The following KCNQ4 variants were observed in gnomAD, a reference collection of about 807,000 sequenced individuals.
KCNQ4 encodes potassium voltage-gated channel subfamily Q member 4, also known as potassium voltage-gated channel subfamily KQT member 4.
Under a neutral mutation model 72.6 loss-of-function variants are expected in KCNQ4, and 31 were observed. The observed-to-expected ratio is 0.43, with a 90% CI of 0.32 to 0.58. KCNQ4 has a LOEUF of 0.58. Among genes scored for constraint, KCNQ4 ranks in the 20% least tolerant of loss-of-function variants. The pLI, the probability that KCNQ4 is intolerant of heterozygous loss-of-function variation, is 0.08. For synonymous variants in KCNQ4, 405 were observed against 403.7 expected, an observed-to-expected ratio of 1.00 and a Z score of -0.04; for missense variants, 869 against 962.6, an observed-to-expected ratio of 0.90 and a Z score of 1.29.
At chr1:40,821,098 C>G (rs1009835951) in intron 7 of KCNQ4, among the ~76,000 whole-genome samples, 1 of 152,206 alleles carries the variant, frequency 6.6e-6, no homozygotes, top group East Asian at 1.9e-4. Flanking sequence ...ACCAGCTCAG[C>G]CTTTTCTTCT....
chr1:40,831,817 A>G (rs1648658986), intron 10 of KCNQ4, among the ~76,000 whole-genome samples: 1 of 152,204 alleles, frequency 6.6e-6, no homozygotes, highest in South Asian at 2.1e-4. Flanking sequence ...CTGACTATGC[A>G]CTGCCCAGCA....
chr1:40,818,656 C>T lies in KCNQ4; in HGVS notation c.684C>T (p.Gly228=), dbSNP rs769064816. 49 of 1,604,964 alleles carry T rather than the reference C, an allele frequency of 3.1e-5. No individual in the cohort carries two copies. Among genetic ancestry groups the T allele is most frequent in the Non-Finnish European group, 3.5e-5 (41 of 1,178,846 alleles). The part of the protein sequence containing the change: ...DRRGGTWKLL[G]SVVYAHSKEL... ...GCGGCGGCACCTGGAAGCTGCTGGG[C>T]TCAGTGGTCTACGCGCATAGCAAGG... The change falls in exon 4 of 14, where the codon GGC becomes GGT. Residue 228 remains glycine (G), a synonymous_variant. Coordinates refer to ENST00000347132, the MANE Select transcript of KCNQ4 (RefSeq NM_004700.4).
At chr1:40,807,491 G>A (rs1053686180) in intron 1 of KCNQ4, among the ~76,000 whole-genome samples, 1 of 152,128 alleles carries the variant, frequency 6.6e-6, no homozygotes, top group Non-Finnish European at 1.5e-5. Context: ...ATTTAGAATC[G>A]CTGGATCAGG....
intron 1 of KCNQ4, among the ~76,000 whole-genome samples, chr1:40,785,825 C>T (rs1304373696): frequency 6.6e-6 from 1 of 151,916 alleles, no homozygotes; most frequent in Non-Finnish European, 1.5e-5. Context: ...GAGAAAGATG[C>T]GGCACAGGGA....
intron 10 of KCNQ4, among the ~76,000 whole-genome samples, chr1:40,832,657 AC>A (rs1331271165): frequency 1.3e-5 from 2 of 152,060 alleles, no homozygotes; most frequent in Non-Finnish European, 2.9e-5. Flanking sequence ...GTGCCATCAA[AC>A]CCCTTATCTC....
At chr1:40,822,425 G>A in intron 8 of KCNQ4, 23 bp downstream of exon 8, 1 of 1,436,342 alleles carries the variant, frequency 7.0e-7, no homozygotes, top group Non-Finnish European at 9.7e-7. Flanking sequence ...GGGGGTGGGG[G>A]TGGGTGGGGG....
At position 40,788,921 on chromosome 1, in the gene KCNQ4, A is replaced by G. The variant is rs965133599; in HGVS notation, c.314+4514A>G. 2.0e-5 allele frequency among the ~76,000 whole-genome samples: 3 copies of G among 152,186 alleles called. No homozygotes were observed. Among genetic ancestry groups the G allele is most frequent in the Non-Finnish European group, 4.4e-5 (3 of 68,030 alleles). On this transcript the variant is annotated intron_variant, in intron 1 of 13. Coordinates refer to ENST00000347132, the MANE Select transcript of KCNQ4 (RefSeq NM_004700.4). The surrounding 1 kb of genome is among the most constrained non-coding windows in gnomAD (Gnocchi z 4.5). ...ACAAACACACACACAGCATCCATCCAACAAAAAGAGTTCTAGTTTACAGCT... is the reference window on the plus strand; with the variant it reads ...ACAAACACACACACAGCATCCATCCGACAAAAAGAGTTCTAGTTTACAGCT...
Position 40,818,531 on chromosome 1 carries a change from G to A in KCNQ4, c.559G>A (p.Ala187Thr). Residue 187 changes from alanine to threonine, a missense_variant, in exon 4 of 14, where the codon GCC becomes ACC. Coordinates refer to ENST00000347132, the MANE Select transcript of KCNQ4 (RefSeq NM_004700.4). Reference protein sequence around the residue: ...IDFIVFVASVAVIAAGTQGNI... With the variant: ...IDFIVFVASVTVIAAGTQGNI... ...CTTCATCGTGTTCGTGGCCTCGGTG[G>A]CCGTCATCGCCGCGGGTACCCAGGG... 6.2e-7 allele frequency: 1 copy of A among 1,602,354 alleles called. No homozygotes were observed. Among genetic ancestry groups the A allele is most frequent in the South Asian group, 1.1e-5 (1 of 91,070 alleles).
intron 9 of KCNQ4, 88 bp from the exon 10 acceptor site, chr1:40,830,996 C>T: frequency 1.7e-6 from 2 of 1,163,148 alleles, no homozygotes; most frequent in Non-Finnish European, 2.5e-6. Context: ...AATAGCCACC[C>T]CCAAGTCCTA....
At position 40,837,765 on chromosome 1, in the gene KCNQ4, A is replaced by C. The variant is rs1570857057; in HGVS notation, c.1846A>C (p.Met616Leu). Residue 616 changes from methionine to leucine, a missense_variant, in exon 13 of 14, where the codon ATG becomes CTG. Coordinates refer to ENST00000347132, the MANE Select transcript of KCNQ4 (RefSeq NM_004700.4). Reference sequence around the variant, plus strand: ...GGAGGTGGTGGATGAAATCAGCATGATGGGACGCGTGGTCAAGGTGGAGAA... The same window carrying C: ...GGAGGTGGTGGATGAAATCAGCATGCTGGGACGCGTGGTCAAGGTGGAGAA... Reference protein sequence around the residue: ...DAEVVDEISMMGRVVKVEKQV... With the variant: ...DAEVVDEISMLGRVVKVEKQV... 1.9e-6 allele frequency: 3 copies of C among 1,611,300 alleles called. No homozygotes were observed. In the East Asian group the frequency reaches 6.7e-5, roughly 36 times the overall value.
chr1:40,799,432 G>GCC (rs149663653), intron 1 of KCNQ4, among the ~76,000 whole-genome samples: 2,761 of 151,040 alleles, frequency 0.018, 89 homozygotes, highest in African/African-American at 0.062. Flanking sequence ...TGTGGGCCAT[G>GCC]CCCCCCCCCT....
intron 9 of KCNQ4, 80 bp downstream of exon 9, chr1:40,824,338 C>G: frequency 1.4e-6 from 2 of 1,473,122 alleles, no homozygotes; most frequent in Non-Finnish European, 9.2e-7. Flanking sequence ...TCTCTCAGAC[C>G]TGCCTTCAGC....
chr1:40,792,271 C>T (rs1386224021), intron 1 of KCNQ4, among the ~76,000 whole-genome samples: 2 of 152,164 alleles, frequency 1.3e-5, no homozygotes, highest in African/African-American at 2.4e-5. Context: ...CAGGCGCCTT[C>T]GCTACTGCCC....
chr1:40,798,713 T>G (rs181191791), intron 1 of KCNQ4, among the ~76,000 whole-genome samples: 4 of 152,324 alleles, frequency 2.6e-5, no homozygotes, highest in African/African-American at 9.6e-5. Flanking sequence ...AGACCCATCG[T>G]CAGCTGGGCA....
Position 40,837,704 on chromosome 1 carries a change from G to C in KCNQ4, c.1785G>C (p.Lys595Asn). The C allele has an allele frequency of 6.2e-7, 1 of 1,613,522 alleles. No homozygotes were observed. ...TGGGTCGGGGGCCCGGGGACAGGAA[G>C]GCCCGGGAGAAGGGCGACAAGGGGC... ...QIVGRGPGDR[K>N]AREKGDKGPS... Residue 595 changes from lysine to asparagine, a missense_variant, in exon 13 of 14, where the codon AAG becomes AAC. By Grantham distance (94) the Lys-to-Asn change is moderately conservative. This residue lies in a region of KCNQ4 where 480 missense variants were observed against 501.9 expected (regional missense o/e 0.96). Transcript: ENST00000347132.
intron 9 of KCNQ4, among the ~76,000 whole-genome samples, chr1:40,830,095 A>G (rs1648591899): frequency 6.6e-6 from 1 of 152,140 alleles, no homozygotes; most frequent in African/African-American, 2.4e-5. Context: ...GACTGTGTAA[A>G]TGCTGTTGAA....
intron 7 of KCNQ4, 83 bp downstream of exon 7, chr1:40,820,343 C>A: frequency 1.7e-6 from 2 of 1,173,188 alleles, no homozygotes; most frequent in Non-Finnish European, 2.5e-6. Context: ...GACCCATGTC[C>A]CCAGCCCAAC....
rs1423344670 is a variant in KCNQ4 at position 40,802,471 on chromosome 1, T to C, written c.315-14794T>C. 2.6e-5 allele frequency among the ~76,000 whole-genome samples: 4 copies of C among 152,032 alleles called. No individual in the cohort carries two copies. In the East Asian group the frequency reaches 7.8e-4, roughly 30 times the overall value. On this transcript the variant is annotated intron_variant, in intron 1 of 13. Transcript: ENST00000347132. ...CCCGGCCCCTCCCGCTCTCGGGGCC[T>C]GGCATTGGCAAAGCCCCGCCCCTCC... is the stretch of plus-strand genomic sequence containing the variant.
chr1:40,819,009 G>C (rs935380669), intron 4 of KCNQ4: 145 of 565,892 alleles, frequency 2.6e-4, no homozygotes, highest in Non-Finnish European at 4.0e-4. Flanking sequence ...TGAGGGTGGG[G>C]CTGGAGCGGG....
Sources: gnomAD v4.1 joint callset for allele counts (sites outside exome capture counted in the v4.1 genomes callset) on GRCh38, gnomAD v4.1.1 for gene constraint, gnomAD v4.1.1 regional missense constraint, Gnocchi (gnomAD v3.1) non-coding constraint, MANE v1.5 for transcripts, NCBI Gene and HGNC (gene_info 2026-07-23, HGNC 2026-07-21) for gene names.